The following MIB1 variants were observed in gnomAD, a reference collection of about 807,000 sequenced individuals.
MIB1 encodes E3 ubiquitin-protein ligase MIB1.
A neutral mutation model predicts 124.5 loss-of-function variants in MIB1; 278 were observed. That is an observed-to-expected ratio of 2.23 (90% CI 2.02 to 2.47). The LOEUF is 2.47. MIB1 is among the 30% of genes most tolerant of loss of function. MIB1 has a pLI of 0.00. For missense variants in MIB1, 957 were observed against 1,254.4 expected, an observed-to-expected ratio of 0.76 and a Z score of 3.58; for synonymous variants, 446 against 429.4, an observed-to-expected ratio of 1.04 and a Z score of -0.48.
At chr18:21,793,867 T>C (rs974174539) in intron 7 of MIB1, 5 of 145,650 alleles carry the variant, frequency 3.4e-5, no homozygotes, top group African/African-American at 1.3e-4. Flanking sequence ...TTTTATAATT[T>C]AAAATGAGCT....
Position 21,741,619 on chromosome 18 carries a change from A to G in MIB1, c.36A>G (p.Glu12=). ...SNSRNNRVMV[E]GVGARVVRGP... ...CCCGGAATAACCGGGTGATGGTGGA[A>G]GGGGTTGGCGCTCGGGTAGTGCGCG... The change falls in exon 1 of 21, where the codon GAA becomes GAG. Residue 12 remains glutamate (E), a synonymous_variant. Transcript: ENST00000261537. This position sits in a 1 kb window ranked among gnomAD's most constrained non-coding sequence, Gnocchi z 5.4. The G allele has an allele frequency of 1.2e-6, 2 of 1,600,534 alleles. No homozygotes were observed. Among genetic ancestry groups the G allele is most frequent in the Non-Finnish European group, 1.7e-6 (2 of 1,175,022 alleles).
chr18:21,727,950 AT>A (rs1273214971), intron 1 of MIB1, among the ~76,000 whole-genome samples: 1 of 152,200 alleles, frequency 6.6e-6, no homozygotes, highest in Non-Finnish European at 1.5e-5. Flanking sequence ...TGATTGCAAC[AT>A]TGTGAGACTG....
chr18:21,733,072 A>C (rs2040779481), intron 1 of MIB1, among the ~76,000 whole-genome samples: 1 of 152,072 alleles, frequency 6.6e-6, no homozygotes. Context: ...CTTTGATTGT[A>C]CTTTGTCTTT....
At chr18:21,705,174 T>A (rs1667352777) in intron 1 of MIB1, 1 of 152,504 alleles carries the variant, frequency 6.6e-6, no homozygotes, top group South Asian at 2.1e-4. Context: ...CAAAGATATG[T>A]TAGCAGGTAA....
chr18:21,792,109 C>G (rs1294341171), intron 7 of MIB1, among the ~76,000 whole-genome samples: 1 of 152,182 alleles, frequency 6.6e-6, no homozygotes, highest in East Asian at 1.9e-4. Context: ...TCCCTTGCTT[C>G]TGTCCTTCTG....
chr18:21,720,166 A>G (rs139566624), intron 1 of MIB1, among the ~76,000 whole-genome samples: 20 of 152,344 alleles, frequency 1.3e-4, no homozygotes, highest in Non-Finnish European at 2.8e-4. Context: ...GTTCTTCTGC[A>G]TAGAAGAATT....
intron 1 of MIB1, among the ~76,000 whole-genome samples, chr18:21,721,843 G>A (rs2040717141): frequency 1.3e-5 from 2 of 152,168 alleles, no homozygotes; most frequent in African/African-American, 4.8e-5. Context: ...TCACCTGGTT[G>A]TCTTCATTAA....
chr18:21,828,917 A>G (rs1407416834), intron 12 of MIB1: 2 of 430,358 alleles, frequency 4.6e-6, no homozygotes, highest in East Asian at 7.5e-5. Context: ...GTTCATGACT[A>G]GGTTAATTTA....
At chr18:21,765,209 A>G (rs899498883) in intron 1 of MIB1, among the ~76,000 whole-genome samples, 1 of 152,194 alleles carries the variant, frequency 6.6e-6, no homozygotes, top group African/African-American at 2.4e-5. Flanking sequence ...CTAAGGGGAT[A>G]AAACCCCACT....
intron 7 of MIB1, among the ~76,000 whole-genome samples, chr18:21,795,127 G>T (rs1031919711): frequency 1.3e-5 from 2 of 151,058 alleles, no homozygotes; most frequent in Non-Finnish European, 3.0e-5. Context: ...CACATGAAAA[G>T]TTTAATATGC....
intron 6 of MIB1, among the ~76,000 whole-genome samples, chr18:21,780,417 C>T (rs1229747939): frequency 1.3e-5 from 2 of 152,100 alleles, no homozygotes; most frequent in Admixed American, 6.6e-5. Flanking sequence ...CTCTGGTAAC[C>T]ACCAATCAAC....
At position 21,838,516 on chromosome 18, in the gene MIB1, A is replaced by C. The variant is rs2042054433; in HGVS notation, c.1962+19A>C. On this transcript the variant is annotated intron_variant, in intron 13 of 20. Coordinates refer to ENST00000261537, the MANE Select transcript of MIB1 (RefSeq NM_020774.4). The stretch of plus-strand genomic sequence containing the variant: ...ACATCAGGTAAGAAAAGAGTTAAAT[A>C]ATTCCCTCTTTTTTATTTTTTTTTA... 4 of 1,554,698 alleles carry C rather than the reference A, an allele frequency of 2.6e-6. No homozygotes were observed. In the African/African-American group the frequency reaches 5.6e-5, roughly 22 times the overall value.
In MIB1 at chr18:21,706,364, G is replaced by A. The variant is rs547623922; in HGVS notation, n.167+1241G>A. ...GGTGAGAGGTGACAACGTGCTAGCA[G>A]CCCTCGCTCGCTCTCAGCACCTCCT... On this transcript the variant is annotated intron_variant and non_coding_transcript_variant, in intron 1 of 20. Coordinates refer to the MIB1 transcript ENST00000578646. Among the ~76,000 whole-genome samples the A allele has an allele frequency of 9.2e-5, 14 of 152,280 alleles. 1 individual carries two copies. The highest frequency in any genetic ancestry group is 8.3e-4 in the South Asian group (4 of 4,830).
chr18:21,741,592 C>T lies in MIB1; in HGVS notation c.9C>T (p.Asn3=), dbSNP rs1218825453. MS[N]SRNNRVMVEG... is the part of the protein sequence containing the mutation. The stretch of plus-strand genomic sequence containing the variant: ...CCACCGCCCGGGCCCCGATGAGTAA[C>T]TCCCGGAATAACCGGGTGATGGTGG... Residue 3 remains asparagine, a synonymous_variant, in exon 1 of 21, where the codon AAC becomes AAT. Transcript: ENST00000261537. The surrounding 1 kb of genome is among the most constrained non-coding windows in gnomAD (Gnocchi z 5.4). 1.9e-6 allele frequency: 3 copies of T among 1,554,898 alleles called. No individual in the cohort carries two copies. Among genetic ancestry groups the T allele is most frequent in the African/African-American group, 2.8e-5 (2 of 71,536 alleles).
chr18:21,742,724 C>T (rs923164277), intron 1 of MIB1, among the ~76,000 whole-genome samples: 1 of 151,956 alleles, frequency 6.6e-6, no homozygotes, highest in Admixed American at 6.6e-5. Context: ...GATATTTATC[C>T]TTGATTCTGT....
At chr18:21,796,179 C>T (rs2041577515) in intron 7 of MIB1, among the ~76,000 whole-genome samples, 1 of 149,246 alleles carries the variant, frequency 6.7e-6, no homozygotes, top group East Asian at 2.1e-4. Context: ...AGACCTTTGT[C>T]AGATGGGTAG....
At chr18:21,711,592 C>G (rs1168356099) in intron 1 of MIB1, among the ~76,000 whole-genome samples, 1 of 151,174 alleles carries the variant, frequency 6.6e-6, no homozygotes, top group Non-Finnish European at 1.5e-5. Flanking sequence ...CAGACCCTAT[C>G]TTTTATATCC....
intron 17 of MIB1, among the ~76,000 whole-genome samples, chr18:21,850,505 G>C (rs2042171341): frequency 6.6e-6 from 1 of 152,140 alleles, no homozygotes; most frequent in Non-Finnish European, 1.5e-5. Flanking sequence ...CCTTGCCCCT[G>C]CTTCTTCTAC....
chr18:21,858,406 C>G (rs1030558707), intron 19 of MIB1, 140 bp from the exon 20 acceptor site: 1 of 520,370 alleles, frequency 1.9e-6, no homozygotes, highest in African/African-American at 1.9e-5. Flanking sequence ...TGTATGTTGT[C>G]CAAGTGTGAG....
Sources: allele counts gnomAD v4.1 joint callset (sites outside exome capture counted in the v4.1 genomes callset), GRCh38; gene constraint gnomAD v4.1.1; non-coding constraint Gnocchi (gnomAD v3.1); transcripts MANE v1.5; gene names NCBI Gene and HGNC (gene_info 2026-07-23, HGNC 2026-07-21).